Variants in SCHIP1 observed in about 807,000 individuals in gnomAD.
SCHIP1 encodes schwannomin-interacting protein 1.
SCHIP1 carries 8 observed loss-of-function variants against 29.7 expected under a neutral mutation model. The observed-to-expected ratio is 0.27, with a 90% confidence interval of 0.16 to 0.49. The LOEUF (loss-of-function observed/expected upper bound fraction) is 0.49, where lower values mean the gene tolerates loss of function less well. SCHIP1 is among the 20% of genes least tolerant of loss of function. The pLI is 0.99. For synonymous variants in SCHIP1, 76 were observed against 94.9 expected, an observed-to-expected ratio of 0.80 and a Z score of 1.16; for missense variants, 193 against 294.6, an observed-to-expected ratio of 0.66 and a Z score of 2.52.
chr3:159,659,273 T>C, the SCHIP1 span, among the ~76,000 whole-genome samples: 3 of 152,220 alleles, frequency 2.0e-5, no homozygotes, highest in Non-Finnish European at 2.9e-5. Context: ...CTTCATGCTG[T>C]GGTGATCCGA....
At chr3:159,286,506 C>T in the SCHIP1 span, among the ~76,000 whole-genome samples, 1 of 152,114 alleles carries the variant, frequency 6.6e-6, no homozygotes, top group Non-Finnish European at 1.5e-5. Flanking sequence ...TGTGTTTTTG[C>T]TGTTGTGAAT....
the SCHIP1 span, among the ~76,000 whole-genome samples, chr3:159,763,396 A>T: frequency 1.3e-5 from 2 of 152,086 alleles, no homozygotes; most frequent in African/African-American, 2.4e-5. Context: ...TCGGCGGGGT[A>T]ACGAGTCACG....
At chr3:159,687,568 G>A in the SCHIP1 span, among the ~76,000 whole-genome samples, 2 of 152,084 alleles carry the variant, frequency 1.3e-5, no homozygotes, top group South Asian at 2.1e-4. Context: ...TGCTGTCAGA[G>A]TTGAAAGATC....
At chr3:159,441,889 G>A in the SCHIP1 span, among the ~76,000 whole-genome samples, 3,881 of 151,984 alleles carry the variant, frequency 0.026, 147 homozygotes, top group African/African-American at 0.085. Flanking sequence ...TAGAGATAGG[G>A]TTTCCCTATG....
the SCHIP1 span, among the ~76,000 whole-genome samples, chr3:159,403,768 C>T: frequency 2.6e-5 from 4 of 152,128 alleles, no homozygotes. Context: ...TGGCTTGAAG[C>T]CAGTGGAATT....
At chr3:159,893,213 C>T (rs1347616434) in intron 6 of SCHIP1, 1 of 152,140 alleles carries the variant, frequency 6.6e-6, no homozygotes, top group East Asian at 1.9e-4. Flanking sequence ...TATGTTTAAG[C>T]TTTCTTTTTT....
the SCHIP1 span, among the ~76,000 whole-genome samples, chr3:159,567,588 A>G: frequency 7.2e-5 from 11 of 152,072 alleles, no homozygotes; most frequent in African/African-American, 2.7e-4. Context: ...TAAGCTCCAC[A>G]TATGTGTTTC....
At chr3:159,353,570 A>C in the SCHIP1 span, among the ~76,000 whole-genome samples, 1 of 152,214 alleles carries the variant, frequency 6.6e-6, no homozygotes, top group Non-Finnish European at 1.5e-5. Flanking sequence ...TCAAGTCTAC[A>C]AAACTTACTT....
At chr3:159,680,651 TG>T in the SCHIP1 span, among the ~76,000 whole-genome samples, 239 of 54,146 alleles carry the variant, frequency 4.4e-3, 1 homozygote, top group Admixed American at 0.032. Flanking sequence ...ATATAATATA[TG>T]TATATATAAA....
At chr3:159,360,783 A>G in the SCHIP1 span, among the ~76,000 whole-genome samples, 120,534 of 151,978 alleles carry the variant, frequency 0.79, 48,306 homozygotes, top group African/African-American at 0.87. Context: ...TCATCAATGG[A>G]ACTAAGCTTT....
chr3:159,620,689 C>A, the SCHIP1 span, among the ~76,000 whole-genome samples: 2 of 152,204 alleles, frequency 1.3e-5, no homozygotes, highest in Non-Finnish European at 2.9e-5. Flanking sequence ...TCAGTTCTGT[C>A]CTCACACCTG....
the SCHIP1 span, among the ~76,000 whole-genome samples, chr3:159,340,066 T>C: frequency 6.6e-6 from 1 of 152,158 alleles, no homozygotes; most frequent in African/African-American, 2.4e-5. Context: ...GAGGACCTAA[T>C]CAACTCTCAG....
chr3:159,332,650 T>C, the SCHIP1 span, among the ~76,000 whole-genome samples: 19 of 152,190 alleles, frequency 1.2e-4, no homozygotes, highest in Non-Finnish European at 4.4e-5. Context: ...GGAATTTTTA[T>C]GCTTTGGGTT....
the SCHIP1 span, among the ~76,000 whole-genome samples, chr3:159,421,400 G>A: frequency 6.6e-6 from 1 of 152,222 alleles, no homozygotes; most frequent in Non-Finnish European, 1.5e-5. Flanking sequence ...ATCCTGGGAT[G>A]TTGTGGAGGA....
the SCHIP1 span, among the ~76,000 whole-genome samples, chr3:159,750,278 TATATATATATATATATATACAC>T: frequency 5.9e-5 from 1 of 16,890 alleles, no homozygotes; most frequent in African/African-American, 1.1e-4. Flanking sequence ...TATATATATA[TATATATATATATATATATACAC>T]ACACACACAC....
the SCHIP1 span, among the ~76,000 whole-genome samples, chr3:159,785,421 G>A: frequency 2.0e-5 from 3 of 152,038 alleles, no homozygotes; most frequent in Admixed American, 6.6e-5. Context: ...ACATGTTATC[G>A]GGAGATGGAA....
At chr3:159,847,486 C>A (rs77449914) in intron 1 of SCHIP1, among the ~76,000 whole-genome samples, 1,997 of 152,210 alleles carry the variant, frequency 0.013, 39 homozygotes, top group African/African-American at 0.046. Flanking sequence ...TGCTTGAATT[C>A]AAAAGAAAAC....
the SCHIP1 span, among the ~76,000 whole-genome samples, chr3:159,611,057 T>C: frequency 2.6e-5 from 4 of 151,852 alleles, no homozygotes; most frequent in Non-Finnish European, 5.9e-5. Flanking sequence ...GAAGAAGAAA[T>C]AGGTTCAAGC....
chr3:159,676,063 A>G, the SCHIP1 span, among the ~76,000 whole-genome samples: 1 of 152,124 alleles, frequency 6.6e-6, no homozygotes, highest in Admixed American at 6.5e-5. Context: ...CCTGGAAGGA[A>G]GAGGTTGCAG....
Sources: allele counts gnomAD v4.1 joint callset (sites outside exome capture counted in the v4.1 genomes callset), GRCh38; gene constraint gnomAD v4.1.1; transcripts MANE v1.5; gene names NCBI Gene and HGNC (gene_info 2026-07-23, HGNC 2026-07-21).